The following GCNA variants were observed in gnomAD, a reference collection of about 807,000 sequenced individuals.
The protein encoded by GCNA is germ cell nuclear acidic peptidase.
Under a neutral mutation model 38.8 loss-of-function variants are expected in GCNA, and 3 were observed. That is an observed-to-expected ratio of 0.08 (90% CI 0.04 to 0.20). The LOEUF is 0.20. Among genes scored for constraint, GCNA ranks in the 10% least tolerant of loss-of-function variants. GCNA has a pLI of 1.00. For synonymous variants in GCNA, 195 were observed against 240.2 expected, an observed-to-expected ratio of 0.81 and a Z score of 1.74; for missense variants, 446 against 578.6, an observed-to-expected ratio of 0.77 and a Z score of 2.35.
At chrX:71,592,971 G>T (rs1246255990) in intron 4 of GCNA, among the ~76,000 whole-genome samples, 1 of 111,893 alleles carries the variant, frequency 8.9e-6, no homozygotes, top group Non-Finnish European at 1.9e-5. Flanking sequence ...TCACCTCACT[G>T]CAATCTCCAC....
At chrX:71,612,283 G>GAAAAAAAA (rs756270122) in intron 11 of GCNA, 72 bp from the exon 12 acceptor site, 35 of 294,781 alleles carry the variant, frequency 1.2e-4, no homozygotes, top group Admixed American at 4.5e-4. Flanking sequence ...CTCAAAAAAG[G>GAAAAAAAA]AAAAAAAAAA....
At chrX:71,593,667 G>A (rs898788754) in intron 4 of GCNA, among the ~76,000 whole-genome samples, 2 of 99,359 alleles carry the variant, frequency 2.0e-5, no homozygotes, top group African/African-American at 7.4e-5. Context: ...TGCATGAAAC[G>A]GAGTTCAGTA....
chrX:71,587,609 T>G (rs2040593655), intron 2 of GCNA, among the ~76,000 whole-genome samples: 1 of 111,620 alleles, frequency 9.0e-6, no homozygotes, highest in Non-Finnish European at 1.9e-5. Flanking sequence ...GGCTATGTTT[T>G]AAATTTCTTG....
chrX:71,590,283 G>C (rs907652272), intron 2 of GCNA, among the ~76,000 whole-genome samples: 1 of 111,298 alleles, frequency 9.0e-6, no homozygotes, highest in Non-Finnish European at 1.9e-5. Context: ...GATTTGGGTG[G>C]GGCTCTCTGT....
chrX:71,593,410 A>G (rs2040645618), intron 4 of GCNA, among the ~76,000 whole-genome samples: 1 of 111,828 alleles, frequency 8.9e-6, no homozygotes, highest in South Asian at 3.7e-4. Flanking sequence ...GATCTGGCTG[A>G]CAGTGGATGT....
Position 71,613,124 on chromosome X carries a change from T to C in GCNA, c.*142T>C, listed in dbSNP as rs976378389. On this transcript the variant is annotated 3_prime_UTR_variant, in exon 13 of 13. Transcript: ENST00000373696. ...TTAAGGTTATCTTAGAGTATATTAA[T>C]GTGAGCTATATCCTTTACTGGTAAG... 2.4e-6 allele frequency: 2 copies of C among 833,298 alleles called. No individual in the cohort carries two copies. Among genetic ancestry groups the C allele is most frequent in the African/African-American group, 4.1e-5 (2 of 49,167 alleles). The allele number at this position is 833,298 out of a possible 1,213,427, so 68.7% of individuals were successfully genotyped here.
At position 71,613,217 on chromosome X, in the gene GCNA, G is replaced by A; in HGVS notation, c.*235G>A. On this transcript the variant is annotated 3_prime_UTR_variant, in exon 13 of 13. Transcript: ENST00000373696. ...ATTTAGGTACTGTTAAGTAAGTAAT[G>A]TTAGAATTTAAGATTCATGTTATTA... 1 of 370,683 alleles carries A rather than the reference G, an allele frequency of 2.7e-6. No homozygotes were observed. Among genetic ancestry groups the A allele is most frequent in the Non-Finnish European group, 4.6e-6 (1 of 217,691 alleles). The allele number at this position is 370,683 out of a possible 1,213,427, so 30.5% of individuals were successfully genotyped here.
At position 71,604,548 on chromosome X, in the gene GCNA, C is replaced by T. The variant is rs772912590; in HGVS notation, c.1271C>T (p.Pro424Leu). The part of the protein sequence containing the change: ...KSKTKTIVEP[P>L]RKRQTKTKNI... ...AAAACCAAAACTATTGTGGAGCCACCGAGGAAAAGGCAGACAAAGACCAAA... is the reference window on the plus strand; with the variant it reads ...AAAACCAAAACTATTGTGGAGCCACTGAGGAAAAGGCAGACAAAGACCAAA... The change falls in exon 8 of 13, where the codon CCG becomes CTG. Residue 424 changes from proline to leucine, a missense_variant. This residue lies in a region of GCNA where 160 missense variants were observed against 165.2 expected (regional missense o/e 0.97). Coordinates refer to ENST00000373696, the MANE Select transcript of GCNA (RefSeq NM_052957.5). The T allele has an allele frequency of 9.2e-6, 11 of 1,190,833 alleles. No homozygotes were observed. Among genetic ancestry groups the T allele is most frequent in the Admixed American group, 2.4e-5 (1 of 42,302 alleles).
chrX:71,606,945 T>G (rs2040773051), intron 9 of GCNA, among the ~76,000 whole-genome samples: 1 of 111,984 alleles, frequency 8.9e-6, no homozygotes, highest in Non-Finnish European at 1.9e-5. Context: ...TCTTAACTGT[T>G]GTTTAGCACT....
chrX:71,599,744 C>T (rs1326917065), intron 7 of GCNA, among the ~76,000 whole-genome samples: 1 of 112,272 alleles, frequency 8.9e-6, no homozygotes, highest in Non-Finnish European at 1.9e-5. Context: ...ACCTTTGTCA[C>T]TGTACATAGT....
intron 1 of GCNA, among the ~76,000 whole-genome samples, chrX:71,578,920 G>C (rs2040522379): frequency 9.5e-6 from 1 of 105,269 alleles, no homozygotes; most frequent in African/African-American, 3.5e-5. Context: ...GTGGAGAGAA[G>C]TAGGGGCACC....
chrX:71,593,440 C>G (rs373134342), intron 4 of GCNA, among the ~76,000 whole-genome samples: 3 of 111,899 alleles, frequency 2.7e-5, no homozygotes, highest in Non-Finnish European at 5.6e-5. Context: ...TGCTGTCTGG[C>G]GAGCTGAAGG....
chrX:71,582,342 T>C (rs904503394), intron 2 of GCNA, among the ~76,000 whole-genome samples: 4 of 110,761 alleles, frequency 3.6e-5, no homozygotes, highest in African/African-American at 1.3e-4. Flanking sequence ...TTTAATTATA[T>C]TACTTCTCAT....
rs953315631 is a variant in GCNA at position 71,581,222 on chromosome X, A to G, written c.59+342A>G. ...TCGATAGTGCTGCCTCTAGAGGTACACAAGTATTTTTCTTCTCCATGATAA... is the reference window on the plus strand; with the variant it reads ...TCGATAGTGCTGCCTCTAGAGGTACGCAAGTATTTTTCTTCTCCATGATAA... On this transcript the variant is annotated intron_variant, in intron 2 of 12. Coordinates refer to ENST00000373696, the MANE Select transcript of GCNA (RefSeq NM_052957.5). Among the ~76,000 whole-genome samples the G allele has an allele frequency of 3.6e-5, 4 of 112,332 alleles. No individual in the cohort carries two copies. In the East Asian group the frequency reaches 1.1e-3, roughly 31 times the overall value.
chrX:71,607,293 A>T (rs1266732699), intron 9 of GCNA, among the ~76,000 whole-genome samples: 1 of 112,290 alleles, frequency 8.9e-6, no homozygotes, highest in Non-Finnish European at 1.9e-5. Context: ...CAGGCTTGGG[A>T]TGAAGAACCT....
At chrX:71,608,791 C>T (rs756250017) in intron 9 of GCNA, among the ~76,000 whole-genome samples, 182 bp from the exon 10 acceptor site, 1 of 111,757 alleles carries the variant, frequency 8.9e-6, no homozygotes, top group South Asian at 3.8e-4. Context: ...GGCTTTACAC[C>T]TCTGAGGGTT....
intron 7 of GCNA, among the ~76,000 whole-genome samples, chrX:71,599,973 GT>G (rs2040700677): frequency 8.9e-6 from 1 of 112,252 alleles, no homozygotes; most frequent in Non-Finnish European, 1.9e-5. Context: ...CAAATCTGCA[GT>G]TTTAGGATAA....
intron 4 of GCNA, 45 bp from the exon 5 acceptor site, chrX:71,594,286 C>T (rs5937097): frequency 0.17 from 162,938 of 933,883 alleles, 15,350 homozygotes; most frequent in African/African-American, 0.5. Context: ...TTGCTTATGG[C>T]GTCGATAGCC....
intron 6 of GCNA, 144 bp from the exon 7 acceptor site, chrX:71,597,806 T>C: frequency 2.3e-6 from 1 of 434,306 alleles, no homozygotes. Flanking sequence ...AAGGATTGAG[T>C]AGTTCCAAAG....
Sources: gnomAD v4.1 joint callset for allele counts (sites outside exome capture counted in the v4.1 genomes callset) on GRCh38, gnomAD v4.1.1 for gene constraint, gnomAD v4.1.1 regional missense constraint, MANE v1.5 for transcripts, NCBI Gene and HGNC (gene_info 2026-07-23, HGNC 2026-07-21) for gene names.